Variants in GZMK observed in about 807,000 individuals in gnomAD.
GZMK encodes NK-Tryp-2.
GZMK carries 18 observed loss-of-function variants against 22.8 expected under a neutral mutation model. The ratio of observed to expected loss-of-function variants is 0.79; its 90% CI spans 0.54 to 1.17. GZMK has a LOEUF of 1.17. GZMK is among the 50% of genes most tolerant of loss of function. The pLI is 0.00. For synonymous variants in GZMK, 136 were observed against 115.0 expected, an observed-to-expected ratio of 1.18 and a Z score of -1.17; for missense variants, 342 against 320.2, an observed-to-expected ratio of 1.07 and a Z score of -0.52.
chr5:55,031,494 C>T lies in GZMK; in HGVS notation c.494C>T (p.Ser165Phe). ...ACCGATCCAGATTCATTAAGACCTT[C>T]TGACACCCTGCGAGAAGTCACTGTT... is the stretch of plus-strand genomic sequence containing the variant. ...GATDPDSLRP[S>F]DTLREVTVTV... The change falls in exon 4 of 5, where the codon TCT becomes TTT. Residue 165 changes from serine to phenylalanine, a missense_variant. By Grantham distance (155) the Ser-to-Phe change is radical. Transcript: ENST00000231009. 6.2e-7 allele frequency: 1 copy of T among 1,614,200 alleles called. No homozygotes were observed. Among genetic ancestry groups the T allele is most frequent in the Non-Finnish European group, 8.5e-7 (1 of 1,180,014 alleles).
At chr5:55,027,162 C>T (rs778644682) in intron 2 of GZMK, among the ~76,000 whole-genome samples, 2 of 152,300 alleles carry the variant, frequency 1.3e-5, no homozygotes, top group African/African-American at 2.4e-5. Flanking sequence ...TATCTCACCA[C>T]GCTGTTGTGC....
intron 1 of GZMK, 89 bp downstream of exon 1, chr5:55,024,475 C>A (rs1741113176): frequency 5.0e-6 from 4 of 806,732 alleles, no homozygotes; most frequent in South Asian, 1.6e-5. Context: ...TTTTCACAAT[C>A]ATTCCTATCT....
chr5:55,031,652 A>C lies in GZMK; in HGVS notation c.633+19A>C. ...CTGTAAGGTAAGAATCTCTCTTTCA[A>C]ACAGGCATCTTGGAGCGCTGTACAG... On this transcript the variant is annotated intron_variant, in intron 4 of 4. Coordinates refer to ENST00000231009, the MANE Select transcript of GZMK (RefSeq NM_002104.3). 1.2e-6 allele frequency: 2 copies of C among 1,606,010 alleles called. No individual in the cohort carries two copies. Among genetic ancestry groups the C allele is most frequent in the East Asian group, 4.5e-5 (2 of 44,750 alleles).
At chr5:55,030,060 T>C (rs1741202487) in intron 2 of GZMK, among the ~76,000 whole-genome samples, 1 of 152,244 alleles carries the variant, frequency 6.6e-6, no homozygotes, top group South Asian at 2.1e-4. Context: ...GTAGTTGGTG[T>C]AAATCTCAAA....
intron 3 of GZMK, among the ~76,000 whole-genome samples, chr5:55,031,125 C>G (rs948904898): frequency 2.0e-5 from 3 of 152,154 alleles, no homozygotes; most frequent in Non-Finnish European, 2.9e-5. Flanking sequence ...CCAGTTTGCT[C>G]GAGACTGAAC....
At chr5:55,030,041 AT>A (rs1365774655) in intron 2 of GZMK, among the ~76,000 whole-genome samples, 1 of 152,204 alleles carries the variant, frequency 6.6e-6, no homozygotes, top group Non-Finnish European at 1.5e-5. Context: ...CAATAAACAA[AT>A]TTTAATGGTA....
chr5:55,024,784 G>A lies in GZMK; in HGVS notation c.189G>A (p.Leu63=). 1.2e-6 allele frequency: 2 copies of A among 1,607,726 alleles called. No homozygotes were observed. The highest frequency in any genetic ancestry group is 1.7e-6 in the Non-Finnish European group (2 of 1,175,656). ...GGVLIDPQWV[L]TAAHCQYRFT... is the part of the protein sequence containing the mutation. Reference sequence around the variant, plus strand: ...TTCTGATTGATCCACAGTGGGTGCTGACAGCAGCCCACTGCCAATATCGGT... The same window carrying A: ...TTCTGATTGATCCACAGTGGGTGCTAACAGCAGCCCACTGCCAATATCGGT... Residue 63 remains leucine (L), a synonymous_variant, in exon 2 of 5, where the codon CTG becomes CTA. Transcript: ENST00000231009.
chr5:55,027,758 C>T (rs1741162110), intron 2 of GZMK: 1 of 152,242 alleles, frequency 6.6e-6, no homozygotes, highest in Non-Finnish European at 1.5e-5. Context: ...TGAATCTCTT[C>T]CAGGAAAGCT....
rs1741275538 is a variant in GZMK, at chr5:55,033,865, T to C, written c.734T>C (p.Leu245Pro). ...GCCACAAAGCCTGGAATCTACACCC[T>C]GTTAACCAAGAAATACCAGACTTGG... Reference protein sequence around the residue: ...GVATKPGIYTLLTKKYQTWIK... With the variant: ...GVATKPGIYTPLTKKYQTWIK... Residue 245 changes from leucine (L) to proline (P), a missense_variant, in exon 5 of 5, where the codon CTG becomes CCG. Transcript: ENST00000231009. The C allele has an allele frequency of 6.2e-7, 1 of 1,613,818 alleles. No homozygotes were observed. Among genetic ancestry groups the C allele is most frequent in the Non-Finnish European group, 8.5e-7 (1 of 1,179,700 alleles).
chr5:55,034,114 A>G lies in GZMK; in HGVS notation c.*188A>G. 1.9e-6 allele frequency: 1 copy of G among 518,160 alleles called. No individual in the cohort carries two copies. Among genetic ancestry groups the G allele is most frequent in the Non-Finnish European group, 3.4e-6 (1 of 297,218 alleles). 32.1% of individuals were successfully genotyped at this position (518,160 alleles called of 1,614,324 possible). On this transcript the variant is annotated 3_prime_UTR_variant, in exon 5 of 5. Coordinates refer to ENST00000231009, the MANE Select transcript of GZMK (RefSeq NM_002104.3). ...TTTCTACCATGCTGGTTTTATTCTA[A>G]ATAAAATTTAGAAGACTCTCTGTTT...
chr5:55,031,827 C>T (rs927545278), intron 4 of GZMK, among the ~76,000 whole-genome samples, 194 bp downstream of exon 4: 10 of 152,130 alleles, frequency 6.6e-5, no homozygotes, highest in African/African-American at 2.4e-4. Context: ...AAAAACTTCC[C>T]CAATACTTTA....
intron 2 of GZMK, among the ~76,000 whole-genome samples, chr5:55,029,787 C>G (rs10214120): frequency 0.028 from 4,223 of 152,140 alleles, 201 homozygotes; most frequent in African/African-American, 0.094. Context: ...AACTCCTGGC[C>G]TCAAATGATC....
At chr5:55,033,154 T>A (rs1741260604) in intron 4 of GZMK, among the ~76,000 whole-genome samples, 1 of 152,240 alleles carries the variant, frequency 6.6e-6, no homozygotes, top group African/African-American at 2.4e-5. Flanking sequence ...GCTTTGCTGT[T>A]AGAGTGTCTT....
intron 4 of GZMK, among the ~76,000 whole-genome samples, chr5:55,033,046 A>T (rs1346180215): frequency 6.6e-6 from 1 of 152,188 alleles, no homozygotes; most frequent in African/African-American, 2.4e-5. Flanking sequence ...TAGCAAAGAG[A>T]AAGGCTGGTC....
chr5:55,028,521 T>A (rs1741171696), intron 2 of GZMK: 1 of 145,446 alleles, frequency 6.9e-6, no homozygotes, highest in East Asian at 2.0e-4. Context: ...AGCTCTGCCA[T>A]AAGCAAACCC....
chr5:55,029,234 C>CA (rs930873832), intron 2 of GZMK, among the ~76,000 whole-genome samples: 2,578 of 138,536 alleles, frequency 0.019, 70 homozygotes, highest in African/African-American at 0.058. Context: ...GACTCCTTCT[C>CA]AAAAAAAAAA....
intron 3 of GZMK, among the ~76,000 whole-genome samples, chr5:55,031,072 A>G (rs1741221676): frequency 6.6e-6 from 1 of 152,156 alleles, no homozygotes; most frequent in Non-Finnish European, 1.5e-5. Context: ...GTCATGACCT[A>G]TGGATGTTAT....
intron 2 of GZMK, among the ~76,000 whole-genome samples, chr5:55,030,065 C>A (rs753335577): frequency 1.7e-4 from 26 of 152,192 alleles, no homozygotes; most frequent in Non-Finnish European, 2.8e-4. Flanking sequence ...TGGTGTAAAT[C>A]TCAAACTACA....
chr5:55,029,396 T>C (rs999492303), intron 2 of GZMK, among the ~76,000 whole-genome samples: 6 of 152,214 alleles, frequency 3.9e-5, no homozygotes, highest in Non-Finnish European at 7.3e-5. Flanking sequence ...AAGTTTTCCT[T>C]TCTTGTCCAA....
Sources: allele counts gnomAD v4.1 joint callset (sites outside exome capture counted in the v4.1 genomes callset), GRCh38; gene constraint gnomAD v4.1.1; transcripts MANE v1.5; gene names NCBI Gene and HGNC (gene_info 2026-07-23, HGNC 2026-07-21).